The following MCC variants were observed in gnomAD, a reference collection of about 807,000 sequenced individuals.
MCC encodes colorectal mutant cancer protein.
MCC carries 90 observed loss-of-function variants against 116.2 expected under a neutral mutation model. The observed-to-expected ratio is 0.77, with a 90% CI of 0.65 to 0.92. MCC has a LOEUF of 0.92. Among genes scored for constraint, MCC ranks in the 40% least tolerant of loss-of-function variants. The pLI is 0.00. For synonymous variants in MCC, 578 were observed against 510.5 expected (o/e 1.13, Z -1.78); for missense variants, 1,516 against 1,312.2 (o/e 1.16, Z -2.40).
At chr5:113,054,024 T>G in intron 14 of MCC, 65 bp from the exon 15 acceptor site, 4 of 1,156,844 alleles carry the variant, frequency 3.5e-6, no homozygotes, top group Non-Finnish European at 5.1e-6. Context: ...AAATAGATCT[T>G]TCCTCCTCAC....
intron 3 of MCC, among the ~76,000 whole-genome samples, chr5:113,171,024 T>C (rs1455014471): frequency 6.6e-6 from 1 of 152,084 alleles, no homozygotes; most frequent in African/African-American, 2.4e-5. Flanking sequence ...GAACCATTTC[T>C]GTTTGTCAAA....
At chr5:113,344,515 A>G (rs1367887456) in intron 2 of MCC, among the ~76,000 whole-genome samples, 2 of 151,772 alleles carry the variant, frequency 1.3e-5, no homozygotes, top group Non-Finnish European at 2.9e-5. Flanking sequence ...GCTTGCAGCA[A>G]AGAAAGTGAC....
chr5:113,478,656 A>T lies in MCC; in HGVS notation c.170+9589T>A, dbSNP rs145963804. On this transcript the variant is annotated intron_variant, in intron 1 of 18. Coordinates refer to ENST00000408903, the MANE Select transcript of MCC (RefSeq NM_001085377.2). The stretch of plus-strand genomic sequence containing the variant: ...TATAGCTGTCTGAAATTCAAGGGAG[A>T]CATTGAGGTCAGAGATATGGAAAGA... Among the ~76,000 whole-genome samples, 380 of 152,272 alleles carry T rather than the reference A, an allele frequency of 2.5e-3. 1 individual carries two copies. The highest frequency in any genetic ancestry group is 4.7e-3 in the Non-Finnish European group (321 of 68,012).
chr5:113,122,668 G>C lies in MCC; in HGVS notation c.1027+16C>G. 6.2e-7 allele frequency: 1 copy of C among 1,612,946 alleles called. No individual in the cohort carries two copies. The highest frequency in any genetic ancestry group is 8.5e-7 in the Non-Finnish European group (1 of 1,179,382). ...AAACCAAACTCTGGCTTGGTGGCAAGGGCAGGCAGACTCACCCATGTCAGC... is the reference window on the plus strand; with the variant it reads ...AAACCAAACTCTGGCTTGGTGGCAACGGCAGGCAGACTCACCCATGTCAGC... On this transcript the variant is annotated intron_variant, in intron 6 of 18. Coordinates refer to ENST00000408903, the MANE Select transcript of MCC (RefSeq NM_001085377.2).
intron 3 of MCC, among the ~76,000 whole-genome samples, chr5:113,171,327 T>A (rs995216429): frequency 3.3e-5 from 5 of 150,648 alleles, no homozygotes; most frequent in African/African-American, 1.2e-4. Context: ...AGGGCAAAAA[T>A]GCACAGAGAC....
chr5:113,284,254 GT>G (rs1766161247), intron 3 of MCC, among the ~76,000 whole-genome samples: 1 of 152,186 alleles, frequency 6.6e-6, no homozygotes, highest in Admixed American at 6.5e-5. Context: ...GGAGGCTGAG[GT>G]GGGACGATCA....
At chr5:113,091,048 T>TC (rs1366548909) in intron 8 of MCC, among the ~76,000 whole-genome samples, 1 of 152,150 alleles carries the variant, frequency 6.6e-6, no homozygotes, top group African/African-American at 2.4e-5. Flanking sequence ...AGCTGATCCC[T>TC]CTGCCTCACG....
At chr5:113,365,640 C>T (rs1768668639) in intron 2 of MCC, among the ~76,000 whole-genome samples, 1 of 152,168 alleles carries the variant, frequency 6.6e-6, no homozygotes, top group African/African-American at 2.4e-5. Context: ...TTCATTCTTG[C>T]ATTGCTATAA....
At chr5:113,379,857 T>C (rs1196350795) in intron 2 of MCC, among the ~76,000 whole-genome samples, 1 of 152,168 alleles carries the variant, frequency 6.6e-6, no homozygotes, top group Non-Finnish European at 1.5e-5. Context: ...TGGAAAATGC[T>C]TATATTTTAT....
intron 3 of MCC, among the ~76,000 whole-genome samples, chr5:113,265,420 G>C (rs1472230949): frequency 1.3e-5 from 2 of 152,142 alleles, no homozygotes; most frequent in Admixed American, 6.5e-5. Context: ...GGGAAGGGTA[G>C]AGCAGCTTTC....
chr5:113,397,952 G>A (rs1191632350), intron 1 of MCC, among the ~76,000 whole-genome samples: 2 of 152,152 alleles, frequency 1.3e-5, no homozygotes, highest in African/African-American at 4.8e-5. Flanking sequence ...CAACAATGGT[G>A]TAATATCCAC....
At chr5:113,171,739 C>T (rs1435483599) in intron 3 of MCC, among the ~76,000 whole-genome samples, 1 of 152,154 alleles carries the variant, frequency 6.6e-6, no homozygotes, top group East Asian at 1.9e-4. Flanking sequence ...TACCGGGCAG[C>T]CTCCAAGAAC....
intron 3 of MCC, among the ~76,000 whole-genome samples, chr5:113,230,958 G>C (rs1334205473): frequency 6.6e-6 from 1 of 152,120 alleles, no homozygotes. Context: ...ATTCTAAAGA[G>C]ATGAGCCCGA....
In MCC at chr5:113,182,460, T is replaced by C. The variant is rs566728564; in HGVS notation, c.628-31038A>G. The stretch of plus-strand genomic sequence containing the variant: ...GGTATGGGAGTAAAAGATTAAGATA[T>C]TCTCCTAACTTCAAAAGGCAAGACT... On this transcript the variant is annotated intron_variant, in intron 3 of 18. Coordinates refer to ENST00000408903, the MANE Select transcript of MCC (RefSeq NM_001085377.2). Among the ~76,000 whole-genome samples the C allele has an allele frequency of 5.9e-5, 9 of 152,250 alleles. 1 individual carries two copies. Among genetic ancestry groups the C allele is most frequent in the African/African-American group, 2.2e-4 (9 of 41,546 alleles).
At chr5:113,042,339 G>A (rs1227439128) in intron 17 of MCC, among the ~76,000 whole-genome samples, 1 of 149,700 alleles carries the variant, frequency 6.7e-6, no homozygotes, top group Non-Finnish European at 1.5e-5. Flanking sequence ...GCCAGGTGTG[G>A]GGGCATGCAC....
In MCC at chr5:113,071,101, G is replaced by T; in HGVS notation, c.1918C>A (p.Gln640Lys). 6.3e-7 allele frequency: 1 copy of T among 1,577,060 alleles called. No homozygotes were observed. The highest frequency in any genetic ancestry group is 8.6e-7 in the Non-Finnish European group (1 of 1,164,274). Residue 640 changes from glutamine (Q) to lysine (K), a missense_variant, in exon 12 of 19, where the codon CAG (glutamine) becomes AAG (lysine). Coordinates refer to ENST00000408903, the MANE Select transcript of MCC (RefSeq NM_001085377.2). ...SNATALRLAL[Q>K]YSEQCIEAYE... ...ATCCCAGTGTGTGCCTACCTGTACT[G>T]CAAGGCCAGCCTCAGCGCTGTGGCA...
chr5:113,188,112 G>A (rs966802461), intron 3 of MCC, among the ~76,000 whole-genome samples: 3 of 152,176 alleles, frequency 2.0e-5, no homozygotes, highest in East Asian at 1.9e-4. Context: ...ATTTACAGCC[G>A]AGGAAGCAAG....
intron 16 of MCC, among the ~76,000 whole-genome samples, chr5:113,046,710 A>AAAAAAAAAAAAAAAAAGAG: frequency 7.8e-5 from 8 of 102,460 alleles, no homozygotes; most frequent in South Asian, 3.5e-4. Context: ...AAAAAAAAAA[A>AAAAAAAAAAAAAAAAAGAG]AGAGAGAGAT....
At chr5:113,379,331 T>A (rs1347849498) in intron 2 of MCC, among the ~76,000 whole-genome samples, 3 of 152,210 alleles carry the variant, frequency 2.0e-5, no homozygotes, top group Non-Finnish European at 4.4e-5. Context: ...GGAAAGTAGT[T>A]GCAAGGATTA....
Sources: gnomAD v4.1 joint callset for allele counts (sites outside exome capture counted in the v4.1 genomes callset) on GRCh38, gnomAD v4.1.1 for gene constraint, MANE v1.5 for transcripts, NCBI Gene and HGNC (gene_info 2026-07-23, HGNC 2026-07-21) for gene names.